Variants in PCDH7 observed in about 807,000 individuals in gnomAD.
PCDH7 encodes protocadherin 7.
Under a neutral mutation model 58.9 loss-of-function variants are expected in PCDH7, and 17 were observed. That is an observed-to-expected ratio of 0.29 (90% confidence interval 0.20 to 0.43). The LOEUF is 0.43. PCDH7 is among the 20% of genes least tolerant of loss of function. The probability of loss-of-function intolerance (pLI) is 1.00; values close to 1 mark genes in which losing one functional copy is unlikely to be tolerated. For synonymous variants in PCDH7, 664 were observed against 616.4 expected (o/e 1.08, Z -1.14); for missense variants, 1,274 against 1,441.0 (o/e 0.88, Z 1.88).
intron 1 of PCDH7, among the ~76,000 whole-genome samples, chr4:30,916,320 G>A (rs1335571255): frequency 6.6e-5 from 10 of 151,992 alleles, no homozygotes; most frequent in Non-Finnish European, 1.2e-4. Flanking sequence ...CTTTCATAAG[G>A]AACTGTCAGA....
chr4:31,003,433 G>GT (rs1232044739), intron 3 of PCDH7, among the ~76,000 whole-genome samples: 1 of 149,570 alleles, frequency 6.7e-6, no homozygotes, highest in Non-Finnish European at 1.5e-5. Context: ...TCTAGTCCTC[G>GT]TTTTTTTCAA....
intron 3 of PCDH7, among the ~76,000 whole-genome samples, chr4:31,120,328 T>C (rs564533848): frequency 6.6e-6 from 1 of 152,086 alleles, no homozygotes; most frequent in Admixed American, 6.5e-5. Context: ...TTCTTGGTTT[T>C]TTAAATTCTT....
intron 1 of PCDH7, among the ~76,000 whole-genome samples, chr4:30,727,737 A>G (rs1425515692): frequency 2.6e-5 from 4 of 151,900 alleles, no homozygotes; most frequent in Non-Finnish European, 1.5e-5. Context: ...ATAAAGGCAT[A>G]CGCATTCTAT....
At chr4:30,842,018 A>G (rs138081716) in intron 1 of PCDH7, among the ~76,000 whole-genome samples, 72 of 152,180 alleles carry the variant, frequency 4.7e-4, no homozygotes, top group Non-Finnish European at 8.7e-4. Context: ...AAGTGGAAGG[A>G]AGAAAGACAA....
At chr4:30,875,707 T>A (rs1045615596) in intron 1 of PCDH7, among the ~76,000 whole-genome samples, 1 of 152,084 alleles carries the variant, frequency 6.6e-6, no homozygotes, top group African/African-American at 2.4e-5. Flanking sequence ...TGATTTAAGG[T>A]CATCTGATTC....
chr4:30,794,672 C>CA (rs61136749), intron 1 of PCDH7, among the ~76,000 whole-genome samples: 20,437 of 150,912 alleles, frequency 0.14, 1,622 homozygotes, highest in East Asian at 0.29. Flanking sequence ...CAAAGGCTCA[C>CA]TTTTTTTTTA....
At chr4:30,850,168 G>A (rs1266586879) in intron 1 of PCDH7, among the ~76,000 whole-genome samples, 1 of 152,044 alleles carries the variant, frequency 6.6e-6, no homozygotes, top group Admixed American at 6.6e-5. Context: ...TTTTTGTGAA[G>A]AGTTCAACTG....
chr4:30,837,896 A>ATT (rs966764313), intron 1 of PCDH7, among the ~76,000 whole-genome samples: 2 of 91,278 alleles, frequency 2.2e-5, no homozygotes, highest in African/African-American at 1.3e-4. Context: ...TATTATGTAT[A>ATT]TTTTATATAT....
intron 3 of PCDH7, among the ~76,000 whole-genome samples, chr4:31,093,300 C>A (rs1231176009): frequency 2.0e-5 from 3 of 152,124 alleles, no homozygotes; most frequent in Admixed American, 6.6e-5. Flanking sequence ...GTATCAATAA[C>A]AGCACTGTTT....
chr4:30,784,039 T>C (rs1367342704), intron 1 of PCDH7, among the ~76,000 whole-genome samples: 1 of 152,140 alleles, frequency 6.6e-6, no homozygotes, highest in African/African-American at 2.4e-5. Flanking sequence ...GCCATGTCTA[T>C]ACAACTTCAG....
At chr4:31,115,367 A>G (rs1347291624) in intron 3 of PCDH7, among the ~76,000 whole-genome samples, 1 of 152,060 alleles carries the variant, frequency 6.6e-6, no homozygotes. Context: ...TATTCCCTCT[A>G]AGATATTCAA....
intron 1 of PCDH7, among the ~76,000 whole-genome samples, chr4:30,855,363 A>G (rs754508663): frequency 6.6e-5 from 10 of 152,142 alleles, no homozygotes; most frequent in Non-Finnish European, 1.3e-4. Context: ...TCAGTTGCTC[A>G]TTGCCCCTTT....
intron 3 of PCDH7, among the ~76,000 whole-genome samples, chr4:31,098,580 T>C (rs1276360473): frequency 6.6e-6 from 1 of 152,186 alleles, no homozygotes; most frequent in African/African-American, 2.4e-5. Flanking sequence ...TGGGCTCACA[T>C]CCGTCTGGTC....
chr4:30,878,354 A>G (rs572208306), intron 1 of PCDH7, among the ~76,000 whole-genome samples: 9 of 152,278 alleles, frequency 5.9e-5, no homozygotes, highest in Admixed American at 3.3e-4. Flanking sequence ...CCCAGAAATT[A>G]TAATCAAATG....
chr4:30,815,423 G>A (rs1031542094), intron 1 of PCDH7, among the ~76,000 whole-genome samples: 7 of 152,136 alleles, frequency 4.6e-5, no homozygotes, highest in African/African-American at 1.7e-4. Flanking sequence ...GACCAAGCAG[G>A]CATCTTTAGA....
intron 1 of PCDH7, among the ~76,000 whole-genome samples, chr4:30,838,549 G>A (rs1435726651): frequency 3.3e-5 from 5 of 152,130 alleles, no homozygotes; most frequent in African/African-American, 1.2e-4. Context: ...CCACGTGGAA[G>A]TGATCTATCA....
chr4:31,018,615 G>A (rs565355369), intron 3 of PCDH7, among the ~76,000 whole-genome samples: 9 of 152,192 alleles, frequency 5.9e-5, no homozygotes, highest in South Asian at 2.1e-4. Flanking sequence ...TCTCTAAGTC[G>A]TGTATATTTC....
intron 3 of PCDH7, among the ~76,000 whole-genome samples, chr4:31,049,375 A>C (rs1025926119): frequency 6.6e-6 from 1 of 152,124 alleles, no homozygotes; most frequent in Admixed American, 6.6e-5. Context: ...TGTGATTTAC[A>C]AGTTCAGTGA....
At chr4:31,064,330 C>T (rs1169990513) in intron 3 of PCDH7, among the ~76,000 whole-genome samples, 3 of 151,920 alleles carry the variant, frequency 2.0e-5, no homozygotes, top group African/African-American at 7.2e-5. Context: ...GGCCCATGTC[C>T]ATGCGTTGTC....
Sources: gnomAD v4.1 joint callset for allele counts (sites outside exome capture counted in the v4.1 genomes callset) on GRCh38, gnomAD v4.1.1 for gene constraint, MANE v1.5 for transcripts, NCBI Gene and HGNC (gene_info 2026-07-23, HGNC 2026-07-21) for gene names.